Variants in MYO18B observed in about 807,000 individuals in gnomAD.
MYO18B encodes the protein myosin XVIIIB, also known as unconventional myosin-XVIIIb.
A neutral mutation model predicts 273.0 loss-of-function variants in MYO18B; 204 were observed. That is an observed-to-expected ratio of 0.75 (90% CI 0.67 to 0.84). The LOEUF is 0.84. Ranked by LOEUF, MYO18B falls within the 40% of genes least tolerant of loss-of-function variation. The pLI is 0.00. For synonymous variants in MYO18B, 1,330 were observed against 1,305.7 expected, an observed-to-expected ratio of 1.02 and a Z score of -0.40; for missense variants, 3,212 against 3,287.6, an observed-to-expected ratio of 0.98 and a Z score of 0.56.
At chr22:25,889,057 A>T in intron 25 of MYO18B, among the ~76,000 whole-genome samples, 1 of 150,664 alleles carries the variant, frequency 6.6e-6, no homozygotes, top group South Asian at 2.1e-4. Context: ...AAAAAAAAAA[A>T]AATCTCAATT....
intron 11 of MYO18B, among the ~76,000 whole-genome samples, chr22:25,796,575 C>T (rs546891846): frequency 1.1e-4 from 16 of 145,868 alleles, no homozygotes; most frequent in East Asian, 8.1e-4. Context: ...CAGTCTGGGC[C>T]GTAGAGTGAG....
intron 33 of MYO18B, among the ~76,000 whole-genome samples, chr22:25,914,436 A>G (rs2092222667): frequency 6.6e-6 from 1 of 151,798 alleles, no homozygotes; most frequent in Non-Finnish European, 1.5e-5. Flanking sequence ...CAGATCTTGG[A>G]CTTTTTTGTT....
intron 11 of MYO18B, among the ~76,000 whole-genome samples, chr22:25,788,798 C>T (rs1369618671): frequency 1.3e-5 from 2 of 152,114 alleles, no homozygotes; most frequent in Non-Finnish European, 2.9e-5. Flanking sequence ...GTTCCATCTC[C>T]ACTGAAAACT....
intron 7 of MYO18B, among the ~76,000 whole-genome samples, chr22:25,774,340 T>C (rs1443596326): frequency 6.6e-6 from 1 of 152,032 alleles, no homozygotes; most frequent in African/African-American, 2.4e-5. Flanking sequence ...TTGTGGTGAG[T>C]GCTTAGGCTT....
At chr22:25,797,434 T>A (rs559306921) in intron 11 of MYO18B, among the ~76,000 whole-genome samples, 2 of 152,188 alleles carry the variant, frequency 1.3e-5, no homozygotes, top group Non-Finnish European at 2.9e-5. Flanking sequence ...TAATTACCCC[T>A]TCTTCCTCTG....
At chr22:26,016,031 A>G (rs1212819964) in intron 42 of MYO18B, among the ~76,000 whole-genome samples, 1 of 152,210 alleles carries the variant, frequency 6.6e-6, no homozygotes, top group African/African-American at 2.4e-5. Flanking sequence ...TTAAAGCTGC[A>G]TCTTCATGGG....
At chr22:25,890,218 C>G (rs566307036) in intron 25 of MYO18B, among the ~76,000 whole-genome samples, 1 of 152,298 alleles carries the variant, frequency 6.6e-6, no homozygotes, top group East Asian at 1.9e-4. Flanking sequence ...ACATGTGATA[C>G]TGGATGTGCA....
chr22:25,901,293 A>G (rs2091929177), intron 29 of MYO18B: 2 of 152,292 alleles, frequency 1.3e-5, no homozygotes, highest in Admixed American at 6.5e-5. Context: ...TGCCATATCA[A>G]GATCTCTGGA....
At position 25,777,744 on chromosome 22, in the gene MYO18B, G is replaced by A; in HGVS notation, c.2031G>A (p.Leu677=). Residue 677 remains leucine (L), a synonymous_variant, in exon 8 of 44, where the codon CTG becomes CTA. Coordinates refer to ENST00000335473, the MANE Select transcript of MYO18B (RefSeq NM_032608.7). ...TTCCEQVLEH[L]VGMAGSVDGR... ...GCTGTGAGCAGGTCCTGGAACACCTGGTGGGGATGGCAGGCAGTGTGGATG... is the reference window on the plus strand; with the variant it reads ...GCTGTGAGCAGGTCCTGGAACACCTAGTGGGGATGGCAGGCAGTGTGGATG... 3 of 1,607,552 alleles carry A rather than the reference G, an allele frequency of 1.9e-6. No homozygotes were observed. The highest frequency in any genetic ancestry group is 2.5e-6 in the Non-Finnish European group (3 of 1,176,770).
chr22:25,839,224 G>A (rs1014369499), intron 17 of MYO18B, among the ~76,000 whole-genome samples: 1 of 151,744 alleles, frequency 6.6e-6, no homozygotes, highest in African/African-American at 2.4e-5. Flanking sequence ...ATATGTGTGT[G>A]TATATATGTA....
the MYO18B span, among the ~76,000 whole-genome samples, chr22:26,055,413 G>T: frequency 2.0e-5 from 3 of 152,336 alleles, no homozygotes; most frequent in African/African-American, 7.2e-5. Context: ...AAGAGGGCCT[G>T]TCTACTCTAA....
chr22:25,761,611 A>G (rs1446719943), intron 2 of MYO18B, among the ~76,000 whole-genome samples: 1 of 152,142 alleles, frequency 6.6e-6, no homozygotes, highest in African/African-American at 2.4e-5. Context: ...TCTCCCCTTT[A>G]GTATTTTTCA....
chr22:25,748,017 CT>C (rs1423962571), intron 1 of MYO18B, among the ~76,000 whole-genome samples: 2 of 152,164 alleles, frequency 1.3e-5, no homozygotes, highest in Admixed American at 1.3e-4. Context: ...CTCATCAACC[CT>C]TTGCAGAGTG....
At chr22:25,744,598 G>A (rs547069455) in intron 1 of MYO18B, among the ~76,000 whole-genome samples, 1 of 152,266 alleles carries the variant, frequency 6.6e-6, no homozygotes, top group South Asian at 2.1e-4. Flanking sequence ...GCCGGGCGTG[G>A]TGGTGGGTGC....
At chr22:25,795,620 A>G (rs1020270648) in intron 11 of MYO18B, among the ~76,000 whole-genome samples, 10 of 152,128 alleles carry the variant, frequency 6.6e-5, no homozygotes, top group Admixed American at 6.5e-4. Flanking sequence ...TGTTGCTAAG[A>G]TGCCTTCCGT....
chr22:26,026,853 G>C lies in MYO18B; in HGVS notation c.6879G>C (p.Arg2293Ser). The change falls in exon 43 of 44, where the codon AGG becomes AGC. Residue 2293 changes from arginine (R) to serine (S), a missense_variant. Coordinates refer to ENST00000335473, the MANE Select transcript of MYO18B (RefSeq NM_032608.7). ...GGGCCTCCACACTAAGGAGGGGCAG[G>C]GCTGGCAGTGACGAGGGAAACCTCT... Reference protein sequence around the residue: ...TTGASTLRRGRAGSDEGNLSL... With the variant: ...TTGASTLRRGSAGSDEGNLSL... 6.3e-7 allele frequency: 1 copy of C among 1,595,280 alleles called. No homozygotes were observed. Among genetic ancestry groups the C allele is most frequent in the Non-Finnish European group, 8.5e-7 (1 of 1,170,646 alleles).
At chr22:25,938,702 G>T (rs2092609731) in intron 34 of MYO18B, among the ~76,000 whole-genome samples, 1 of 152,204 alleles carries the variant, frequency 6.6e-6, no homozygotes, top group South Asian at 2.1e-4. Flanking sequence ...ATCCTCCTAT[G>T]GGTAAGGATC....
chr22:25,823,146 G>A (rs2089346989), intron 12 of MYO18B, among the ~76,000 whole-genome samples: 1 of 152,146 alleles, frequency 6.6e-6, no homozygotes, highest in African/African-American at 2.4e-5. Flanking sequence ...TGGCTTGCAG[G>A]GGATAGTGCA....
intron 18 of MYO18B, among the ~76,000 whole-genome samples, chr22:25,844,264 TA>T (rs752037243): frequency 1.3e-5 from 2 of 152,024 alleles, no homozygotes; most frequent in Non-Finnish European, 2.9e-5. Flanking sequence ...TTTGTAGCGT[TA>T]AAAAAAAGCT....
Sources: allele counts gnomAD v4.1 joint callset (sites outside exome capture counted in the v4.1 genomes callset), GRCh38; gene constraint gnomAD v4.1.1; transcripts MANE v1.5; gene names NCBI Gene and HGNC (gene_info 2026-07-23, HGNC 2026-07-21).